The following ENTHD1 variants were observed in gnomAD, a reference collection of about 807,000 sequenced individuals.
ENTHD1 encodes the protein ENTH domain-containing protein 1.
In ENTHD1, 23 loss-of-function variants were observed where a neutral mutation model predicts 39.1. The ratio of observed to expected loss-of-function variants is 0.59; its 90% CI spans 0.42 to 0.83. The LOEUF (loss-of-function observed/expected upper bound fraction) is 0.83. Among genes scored for constraint, ENTHD1 ranks in the 40% least tolerant of loss-of-function variants. The pLI is 0.00. For missense variants in ENTHD1, 624 were observed against 705.4 expected, an observed-to-expected ratio of 0.88 and a Z score of 1.31; for synonymous variants, 230 against 258.2, an observed-to-expected ratio of 0.89 and a Z score of 1.05.
chr22:39,783,596 A>G (rs2146589344), intron 5 of ENTHD1, among the ~76,000 whole-genome samples: 1 of 152,176 alleles, frequency 6.6e-6, no homozygotes, highest in African/African-American at 2.4e-5. Flanking sequence ...AAATCCACAT[A>G]TTTACAGCCA....
chr22:39,795,595 T>C (rs1384221720), intron 5 of ENTHD1, among the ~76,000 whole-genome samples: 1 of 86,126 alleles, frequency 1.2e-5, no homozygotes, highest in African/African-American at 5.4e-5. Context: ...GCCTGGCTAA[T>C]TTTTTTTTTT....
chr22:39,859,596 G>A (rs2066123216), intron 3 of ENTHD1, among the ~76,000 whole-genome samples: 1 of 152,122 alleles, frequency 6.6e-6, no homozygotes, highest in Admixed American at 6.5e-5. Context: ...GAGAGATCGG[G>A]ATCAGTGAAG....
rs1345924773 is a variant in ENTHD1 at position 39,867,772 on chromosome 22, G to A, written c.350-5765C>T. Among the ~76,000 whole-genome samples, 3 of 151,828 alleles carry A rather than the reference G, an allele frequency of 2.0e-5. No individual in the cohort carries two copies. The highest frequency in any genetic ancestry group is 4.8e-5 in the African/African-American group (2 of 41,306). ...CGCGCCATTGCACTCCAGCCTGGGCGATGAGAGCACAACTCCGTCTCAAAA... is the reference window on the plus strand; with the variant it reads ...CGCGCCATTGCACTCCAGCCTGGGCAATGAGAGCACAACTCCGTCTCAAAA... On this transcript the variant is annotated intron_variant, in intron 2 of 6. Transcript: ENST00000325157. The surrounding 1 kb of genome is among the most constrained non-coding windows in gnomAD (Gnocchi z 4.5).
At chr22:39,809,754 G>A (rs1485461428) in intron 5 of ENTHD1, among the ~76,000 whole-genome samples, 1 of 152,114 alleles carries the variant, frequency 6.6e-6, no homozygotes, top group Non-Finnish European at 1.5e-5. Flanking sequence ...TAACAGGGAT[G>A]GTGCAATGGA....
chr22:39,800,007 A>G (rs2065585927), intron 5 of ENTHD1, among the ~76,000 whole-genome samples: 1 of 152,146 alleles, frequency 6.6e-6, no homozygotes, highest in Admixed American at 6.5e-5. Flanking sequence ...GACTTAGGGA[A>G]TATGTGGGAG....
At chr22:39,886,428 G>A (rs914645183) in intron 2 of ENTHD1, among the ~76,000 whole-genome samples, 1 of 152,152 alleles carries the variant, frequency 6.6e-6, no homozygotes, top group African/African-American at 2.4e-5. Flanking sequence ...ATCAGCATTT[G>A]TTGATAAACT....
At chr22:39,774,418 C>T (rs183303747) in intron 5 of ENTHD1, among the ~76,000 whole-genome samples, 28 of 152,242 alleles carry the variant, frequency 1.8e-4, no homozygotes, top group African/African-American at 5.8e-4. Flanking sequence ...AAATATCTAC[C>T]TATTTCTGTG....
chr22:39,805,474 G>A (rs1484245237), intron 5 of ENTHD1, among the ~76,000 whole-genome samples: 4 of 152,226 alleles, frequency 2.6e-5, no homozygotes, highest in African/African-American at 9.6e-5. Flanking sequence ...AAGATGCAGA[G>A]TGCATGGCTT....
chr22:39,845,070 G>T (rs932814601), intron 3 of ENTHD1, among the ~76,000 whole-genome samples: 7 of 149,024 alleles, frequency 4.7e-5, no homozygotes, highest in Non-Finnish European at 8.9e-5. Flanking sequence ...ACAGAAAAAT[G>T]GATTAAAAAA....
chr22:39,756,054 G>A (rs569417152), intron 6 of ENTHD1, among the ~76,000 whole-genome samples: 2 of 152,098 alleles, frequency 1.3e-5, no homozygotes, highest in East Asian at 1.9e-4. Context: ...AGGGACATTC[G>A]ATTTATTCTC....
At position 39,818,588 on chromosome 22, in the gene ENTHD1, G is replaced by A. The variant is rs75151689; in HGVS notation, c.832+2405C>T. On this transcript the variant is annotated intron_variant, in intron 5 of 6. Transcript: ENST00000325157. ...CCAGACTATGAAAAGTACTTGTCTG[G>A]TACTATTTTAAAAATTAGACTTATC... Among the ~76,000 whole-genome samples the A allele has an allele frequency of 7.8e-3, 1,187 of 152,278 alleles. 7 individuals carry two copies. Among genetic ancestry groups the A allele is most frequent in the African/African-American group, 0.027 (1,125 of 41,548 alleles).
chr22:39,790,386 G>A (rs923690695), intron 5 of ENTHD1, among the ~76,000 whole-genome samples: 6 of 152,164 alleles, frequency 3.9e-5, no homozygotes, highest in Non-Finnish European at 8.8e-5. Context: ...CGAAGGTAGA[G>A]CTGGTAGGAG....
At chr22:39,836,516 G>T (rs2065908755) in intron 3 of ENTHD1, among the ~76,000 whole-genome samples, 3 of 152,056 alleles carry the variant, frequency 2.0e-5, no homozygotes, top group Non-Finnish European at 2.9e-5. Flanking sequence ...ATATTTTAAA[G>T]AACTTTATTA....
intron 5 of ENTHD1, 31 bp from the exon 6 acceptor site, chr22:39,765,640 A>C (rs2065270687): frequency 1.3e-6 from 2 of 1,543,288 alleles, no homozygotes; most frequent in Non-Finnish European, 8.7e-7. Context: ...GCTATAATCA[A>C]AAAATAAAAC....
intron 6 of ENTHD1, among the ~76,000 whole-genome samples, chr22:39,748,042 A>T (rs2065119747): frequency 3.9e-5 from 6 of 152,086 alleles, no homozygotes; most frequent in Admixed American, 3.9e-4. Context: ...TGGGCCCAGG[A>T]ATTTGAGAAC....
At chr22:39,792,840 A>G (rs968769035) in intron 5 of ENTHD1, among the ~76,000 whole-genome samples, 9 of 152,146 alleles carry the variant, frequency 5.9e-5, no homozygotes, top group Non-Finnish European at 1.2e-4. Flanking sequence ...TCTGTGATGG[A>G]CAATTAGGTT....
At chr22:39,871,056 C>G (rs2066238320) in intron 2 of ENTHD1, among the ~76,000 whole-genome samples, 1 of 151,814 alleles carries the variant, frequency 6.6e-6, no homozygotes, top group African/African-American at 2.4e-5. Flanking sequence ...TGGTGGCAAA[C>G]ACTTGTAGTC....
At chr22:39,837,623 C>T (rs2065915893) in intron 3 of ENTHD1, among the ~76,000 whole-genome samples, 1 of 152,190 alleles carries the variant, frequency 6.6e-6, no homozygotes, top group South Asian at 2.1e-4. Context: ...TTGGTCCACA[C>T]CAGCATGTTT....
intron 1 of ENTHD1, among the ~76,000 whole-genome samples, chr22:39,891,884 T>G (rs1019894759): frequency 6.6e-6 from 1 of 152,016 alleles, no homozygotes; most frequent in Non-Finnish European, 1.5e-5. Flanking sequence ...CCTCCCAGAG[T>G]GCTGGGATTA....
Sources: allele counts gnomAD v4.1 joint callset (sites outside exome capture counted in the v4.1 genomes callset), GRCh38; gene constraint gnomAD v4.1.1; non-coding constraint Gnocchi (gnomAD v3.1); transcripts MANE v1.5; gene names NCBI Gene and HGNC (gene_info 2026-07-23, HGNC 2026-07-21).